Variants in CENPW observed in about 807,000 individuals in gnomAD.
The protein encoded by CENPW is cancer-up-regulated gene 2 protein.
In CENPW, 3 loss-of-function variants were observed where a neutral mutation model predicts 11.1. The observed-to-expected ratio is 0.27, with a 90% CI of 0.12 to 0.70. CENPW has a LOEUF of 0.70. Ranked by LOEUF, CENPW falls within the 30% of genes least tolerant of loss-of-function variation. CENPW has a pLI of 0.77. For synonymous variants in CENPW, 38 were observed against 42.0 expected (o/e 0.91, Z 0.37); for missense variants, 100 against 105.6 (o/e 0.95, Z 0.23).
intron 2 of CENPW, among the ~76,000 whole-genome samples, 176 bp from the exon 3 acceptor site, chr6:126,348,290 G>C (rs1780446011): frequency 6.6e-6 from 1 of 151,970 alleles, no homozygotes. Context: ...AGAAATCTAA[G>C]ACTATAAGAC....
the CENPW span, among the ~76,000 whole-genome samples, chr6:126,370,129 A>G: frequency 2.0e-5 from 3 of 152,176 alleles, no homozygotes; most frequent in African/African-American, 7.2e-5. Context: ...CCATTGGTCT[A>G]TGTGCCTATT....
chr6:126,426,408 A>G, the CENPW span, among the ~76,000 whole-genome samples: 1 of 152,164 alleles, frequency 6.6e-6, no homozygotes, highest in East Asian at 1.9e-4. Flanking sequence ...TTTATGAAAG[A>G]TTCCTAAGAA....
At chr6:126,438,319 A>G in the CENPW span, among the ~76,000 whole-genome samples, 2 of 151,766 alleles carry the variant, frequency 1.3e-5, no homozygotes, top group East Asian at 3.9e-4. Context: ...CAAACCTTAA[A>G]TAAAAATGTA....
the CENPW span, among the ~76,000 whole-genome samples, chr6:126,398,840 T>A: frequency 2.0e-5 from 3 of 151,410 alleles, no homozygotes; most frequent in Non-Finnish European, 2.9e-5. Context: ...TATCCCCCAA[T>A]GTCTATTGTC....
At chr6:126,387,105 T>G in the CENPW span, among the ~76,000 whole-genome samples, 3 of 152,086 alleles carry the variant, frequency 2.0e-5, no homozygotes, top group Middle Eastern at 3.4e-3. Context: ...GATTATAAAT[T>G]AACTAAGAGA....
chr6:126,411,786 C>A, the CENPW span, among the ~76,000 whole-genome samples: 1 of 152,064 alleles, frequency 6.6e-6, no homozygotes, highest in Non-Finnish European at 1.5e-5. Context: ...AACTCAGGAC[C>A]CAGGAGATGA....
the CENPW span, among the ~76,000 whole-genome samples, chr6:126,422,056 A>C: frequency 6.6e-6 from 1 of 152,036 alleles, no homozygotes; most frequent in Admixed American, 6.6e-5. Context: ...GTCTCAGTAG[A>C]CTTCTTTGCT....
the CENPW span, among the ~76,000 whole-genome samples, chr6:126,402,037 T>C: frequency 6.6e-6 from 1 of 152,074 alleles, no homozygotes; most frequent in Non-Finnish European, 1.5e-5. Context: ...GGTTAGTTGA[T>C]TGCCCTGGAA....
the CENPW span, among the ~76,000 whole-genome samples, chr6:126,478,933 T>C: frequency 6.6e-6 from 1 of 152,060 alleles, no homozygotes; most frequent in Non-Finnish European, 1.5e-5. Flanking sequence ...GATTCATTTG[T>C]GAAGAAAGGC....
the CENPW span, among the ~76,000 whole-genome samples, chr6:126,416,624 C>T: frequency 6.6e-6 from 1 of 152,140 alleles, no homozygotes; most frequent in African/African-American, 2.4e-5. Flanking sequence ...TGTGTCCCAG[C>T]TGCTCCATCC....
chr6:126,435,676 T>C, the CENPW span, among the ~76,000 whole-genome samples: 1 of 151,928 alleles, frequency 6.6e-6, no homozygotes, highest in South Asian at 2.1e-4. Flanking sequence ...ATAACCATTA[T>C]TATTCCAATT....
downstream of CENPW, chr6:126,348,939 T>G (rs1780459029): frequency 6.6e-6 from 1 of 152,458 alleles, no homozygotes; most frequent in Non-Finnish European, 1.5e-5. Context: ...TGCAAAGCAA[T>G]GCAATCTACT....
At chr6:126,380,487 G>T in the CENPW span, among the ~76,000 whole-genome samples, 2 of 152,146 alleles carry the variant, frequency 1.3e-5, no homozygotes, top group South Asian at 4.1e-4. Flanking sequence ...ATGGCAGAGG[G>T]TTTCCCTGTG....
the CENPW span, among the ~76,000 whole-genome samples, chr6:126,381,924 T>C: frequency 6.6e-6 from 1 of 152,018 alleles, no homozygotes; most frequent in African/African-American, 2.4e-5. Flanking sequence ...ATGAAGCCAG[T>C]CGACTGAACC....
the CENPW span, among the ~76,000 whole-genome samples, chr6:126,398,335 T>A: frequency 6.6e-6 from 1 of 152,162 alleles, no homozygotes; most frequent in Non-Finnish European, 1.5e-5. Flanking sequence ...GCTTTGTAGG[T>A]GCCAAATAAA....
the CENPW span, among the ~76,000 whole-genome samples, chr6:126,408,605 A>G: frequency 6.6e-6 from 1 of 152,162 alleles, no homozygotes. Flanking sequence ...AATTAACTCA[A>G]GATGGACTGC....
chr6:126,428,506 A>G, the CENPW span, among the ~76,000 whole-genome samples: 18 of 152,286 alleles, frequency 1.2e-4, no homozygotes, highest in Non-Finnish European at 2.2e-4. Context: ...GTGGAGGGTA[A>G]CTTTGCATAA....
the CENPW span, among the ~76,000 whole-genome samples, chr6:126,463,626 A>T: frequency 3.3e-5 from 5 of 152,030 alleles, no homozygotes; most frequent in African/African-American, 1.2e-4. Flanking sequence ...GAGAGATTAT[A>T]TCACTGTGAT....
At chr6:126,450,937 A>G in the CENPW span, among the ~76,000 whole-genome samples, 8 of 151,108 alleles carry the variant, frequency 5.3e-5, no homozygotes, top group South Asian at 1.7e-3. Context: ...TGAACTTCAG[A>G]AAAATGAGAT....
Sources: allele counts gnomAD v4.1 joint callset (sites outside exome capture counted in the v4.1 genomes callset), GRCh38; gene constraint gnomAD v4.1.1; transcripts MANE v1.5; gene names NCBI Gene and HGNC (gene_info 2026-07-23, HGNC 2026-07-21).